The following PCDHGB1 variants were observed in gnomAD, a reference collection of about 807,000 sequenced individuals.
PCDHGB1 encodes protocadherin gamma subfamily B, 1.
Under a neutral mutation model 56.6 loss-of-function variants are expected in PCDHGB1, and 34 were observed. The ratio of observed to expected loss-of-function variants is 0.60; its 90% CI spans 0.46 to 0.80. The LOEUF (loss-of-function observed/expected upper bound fraction) is 0.80. PCDHGB1 is among the 30% of genes least tolerant of loss of function. The pLI is 0.00. For missense variants in PCDHGB1, 1,278 were observed against 1,204.6 expected, an observed-to-expected ratio of 1.06 and a Z score of -0.90; for synonymous variants, 561 against 505.9, an observed-to-expected ratio of 1.11 and a Z score of -1.46.
Position 141,423,412 on chromosome 5 carries a change from T to C in PCDHGB1, c.2409+70743T>C, listed in dbSNP as rs754410783. 4 of 1,614,166 alleles carry C rather than the reference T, an allele frequency of 2.5e-6. No individual in the cohort carries two copies. The Admixed American group carries it at 6.7e-5, about 27-fold the overall frequency. The stretch of plus-strand genomic sequence containing the variant: ...GCATAAGTCACGCCTGCTGCAGGCT[T>C]CTGAAGGCGGGTTGGCAGGTATGCC... On this transcript the variant is annotated intron_variant, in intron 1 of 3. Coordinates refer to ENST00000523390, the MANE Select transcript of PCDHGB1 (RefSeq NM_018922.3).
At chr5:141,384,278 A>T in intron 1 of PCDHGB1, 1 of 1,613,842 alleles carries the variant, frequency 6.2e-7, no homozygotes, top group Non-Finnish European at 8.5e-7. Context: ...TACTCAGTCT[A>T]CATCGCTGAG....
intron 1 of PCDHGB1, chr5:141,408,623 G>T: frequency 6.2e-7 from 1 of 1,614,004 alleles, no homozygotes; most frequent in Non-Finnish European, 8.5e-7. Context: ...AATACATTTA[G>T]AAATTTTCGA....
chr5:141,460,416 A>C (rs966481039), intron 1 of PCDHGB1, among the ~76,000 whole-genome samples: 1 of 152,138 alleles, frequency 6.6e-6, no homozygotes, highest in African/African-American at 2.4e-5. Flanking sequence ...GTTGATGTTT[A>C]TGTATGGTGT....
intron 1 of PCDHGB1, chr5:141,430,643 T>C (rs1432236231): frequency 2.1e-6 from 2 of 947,068 alleles, no homozygotes; most frequent in Non-Finnish European, 3.0e-6. Context: ...CCTGGGAGTA[T>C]GTGGAAACAA....
At chr5:141,420,001 C>T in intron 1 of PCDHGB1, 1 of 1,614,084 alleles carries the variant, frequency 6.2e-7, no homozygotes, top group Non-Finnish European at 8.5e-7. Flanking sequence ...TTGCTCTACG[C>T]CTGCGACAGT....
At chr5:141,413,993 G>A (rs756042576) in intron 1 of PCDHGB1, 2 of 1,613,486 alleles carry the variant, frequency 1.2e-6, no homozygotes, top group Non-Finnish European at 1.7e-6. Context: ...GCCACCGACA[G>A]GGACGAAGGT....
intron 2 of PCDHGB1, 84 bp downstream of exon 2, chr5:141,494,949 C>A (rs1193148622): frequency 6.2e-7 from 1 of 1,606,850 alleles, no homozygotes; most frequent in Non-Finnish European, 8.5e-7. Context: ...GAGGGCCCAG[C>A]ATTTGCTACA....
At chr5:141,469,782 G>A (rs760985231) in intron 1 of PCDHGB1, among the ~76,000 whole-genome samples, 8 of 152,204 alleles carry the variant, frequency 5.3e-5, no homozygotes, top group African/African-American at 1.7e-4. Context: ...TTATTACAGC[G>A]TTATTTGTAA....
At chr5:141,415,396 G>C (rs11575962) in intron 1 of PCDHGB1, 2 of 1,614,204 alleles carry the variant, frequency 1.2e-6, no homozygotes, top group Non-Finnish European at 1.7e-6. Flanking sequence ...AGGTGTGTCC[G>C]GCTCGCACTT....
rs1185497044 is a variant in PCDHGB1 at position 141,351,110 on chromosome 5, A to C, written c.850A>C (p.Ser284Arg). Reference sequence around the variant, plus strand: ...CTATGCCTTCCTCAATTCCCCAATAAGTACCAGCCTCTTCAATCTCAATCC... The same window carrying C: ...CTATGCCTTCCTCAATTCCCCAATACGTACCAGCCTCTTCAATCTCAATCC... ...ITYAFLNSPI[S>R]TSLFNLNPNT... The change falls in exon 1 of 4, where the codon AGT becomes CGT. Residue 284 changes from serine (S) to arginine (R), a missense_variant. By Grantham distance (110) the Ser-to-Arg change is moderately radical. Transcript: ENST00000523390. The C allele has an allele frequency of 6.2e-7, 1 of 1,613,972 alleles. No homozygotes were observed. Among genetic ancestry groups the C allele is most frequent in the African/African-American group, 1.3e-5 (1 of 74,954 alleles).
chr5:141,384,719 T>A (rs758469916), intron 1 of PCDHGB1: 1 of 1,614,100 alleles, frequency 6.2e-7, no homozygotes, highest in Non-Finnish European at 8.5e-7. Context: ...CTGTCATACC[T>A]CCTGCTTAAG....
chr5:141,389,610 G>T (rs1488136363), intron 1 of PCDHGB1: 1 of 1,613,000 alleles, frequency 6.2e-7, no homozygotes, highest in Admixed American at 1.7e-5. Context: ...CTTCGATATG[G>T]TGCCGCACGC....
At chr5:141,448,662 C>T (rs1242351797) in intron 1 of PCDHGB1, among the ~76,000 whole-genome samples, 1 of 151,980 alleles carries the variant, frequency 6.6e-6, no homozygotes, top group Non-Finnish European at 1.5e-5. Flanking sequence ...CCATATTGGC[C>T]GGGCGCGGTG....
At chr5:141,421,483 A>C in intron 1 of PCDHGB1, 4 of 1,614,128 alleles carry the variant, frequency 2.5e-6, no homozygotes, top group Non-Finnish European at 3.4e-6. Context: ...CGGCAGCTTG[A>C]TCACGGCAGG....
chr5:141,394,789 C>G (rs747304715), intron 1 of PCDHGB1: 1 of 1,613,728 alleles, frequency 6.2e-7, no homozygotes, highest in Non-Finnish European at 8.5e-7. Context: ...GCCACTGTCA[C>G]GCTCACCGTA....
intron 1 of PCDHGB1, chr5:141,385,051 C>A (rs1222079447): frequency 6.2e-7 from 1 of 1,614,154 alleles, no homozygotes; most frequent in East Asian, 2.2e-5. Flanking sequence ...CAGGCTGCGG[C>A]GCTGGCACAA....
intron 1 of PCDHGB1, chr5:141,393,331 GC>G (rs3214276): frequency 0.09 from 144,732 of 1,613,856 alleles, 7,527 homozygotes; most frequent in African/African-American, 0.18. Flanking sequence ...TACCAGCTCA[GC>G]CCCAATCACC....
Position 141,427,553 on chromosome 5 carries a change from TG to T in PCDHGB1, c.2410-67253del, listed in dbSNP as rs201716174. ...AGTACAACGTCACCATCACTGCCAC[TG>T]ACAAGGGCAAGCCTCCGCTCTCATC... On this transcript the variant is annotated intron_variant, in intron 1 of 3. Transcript: ENST00000523390. 2.7e-3 allele frequency: 1,760 copies of T among 646,124 alleles called. 23 individuals are homozygous for T. In the African/African-American group the frequency reaches 0.028, roughly 10 times the overall value. 40.0% of individuals were successfully genotyped at this position (646,124 alleles called of 1,614,324 possible).
intron 1 of PCDHGB1, chr5:141,377,847 A>G (rs1774398188): frequency 6.6e-6 from 1 of 152,152 alleles, no homozygotes; most frequent in Non-Finnish European, 1.5e-5. Flanking sequence ...TCTTCCAATT[A>G]AAATTAAGAT....
Sources: allele counts gnomAD v4.1 joint callset (sites outside exome capture counted in the v4.1 genomes callset), GRCh38; gene constraint gnomAD v4.1.1; transcripts MANE v1.5; gene names NCBI Gene and HGNC (gene_info 2026-07-23, HGNC 2026-07-21).